Variants in LRBA observed in about 807,000 individuals in gnomAD.
LRBA encodes lipopolysaccharide-responsive and beige-like anchor protein.
A neutral mutation model predicts 330.0 loss-of-function variants in LRBA; 176 were observed. The ratio of observed to expected loss-of-function variants is 0.53; its 90% confidence interval spans 0.47 to 0.60. The LOEUF (loss-of-function observed/expected upper bound fraction) is 0.60, where lower values mean the gene tolerates loss of function less well. Among genes scored for constraint, LRBA ranks in the 20% least tolerant of loss-of-function variants. The pLI is 0.00. For missense variants in LRBA, 3,259 were observed against 3,444.8 expected (o/e 0.95, Z 1.35); for synonymous variants, 1,230 against 1,193.0 (o/e 1.03, Z -0.64).
intron 9 of LRBA, among the ~76,000 whole-genome samples, chr4:150,910,340 T>C (rs1731842738): frequency 2.0e-5 from 3 of 152,180 alleles, no homozygotes; most frequent in Admixed American, 2.0e-4. Flanking sequence ...ATATACAATG[T>C]ACAATATGAA....
intron 36 of LRBA, among the ~76,000 whole-genome samples, chr4:150,720,562 G>C (rs754732398): frequency 6.6e-6 from 1 of 151,962 alleles, no homozygotes; most frequent in East Asian, 1.9e-4. Context: ...AAGGATCAAA[G>C]AAAGTCAAGC....
intron 44 of LRBA, among the ~76,000 whole-genome samples, chr4:150,443,873 T>TATATATATA (rs1491391084): frequency 0.039 from 710 of 18,272 alleles, 4 homozygotes; most frequent in Non-Finnish European, 0.049. Flanking sequence ...TATATATATA[T>TATATATATA]TTTTTTTTTT....
intron 55 of LRBA, among the ~76,000 whole-genome samples, chr4:150,279,636 T>C (rs1747250897): frequency 1.3e-5 from 2 of 152,216 alleles, no homozygotes; most frequent in African/African-American, 4.8e-5. Flanking sequence ...TGCCAACTTT[T>C]AGTAGTCCCT....
chr4:150,775,406 A>G (rs1737139765), intron 34 of LRBA, among the ~76,000 whole-genome samples: 1 of 151,786 alleles, frequency 6.6e-6, no homozygotes, highest in Admixed American at 6.6e-5. Context: ...TTAGTGATCC[A>G]CAAATGTTCA....
intron 53 of LRBA, among the ~76,000 whole-genome samples, chr4:150,295,436 A>G (rs1017539588): frequency 9.2e-5 from 14 of 152,072 alleles, no homozygotes; most frequent in African/African-American, 3.1e-4. Flanking sequence ...GGCTCAAACA[A>G]TACCCTTGTC....
intron 13 of LRBA, 95 bp downstream of exon 13, chr4:150,905,743 A>T (rs1731255346): frequency 1.8e-6 from 2 of 1,094,452 alleles, no homozygotes; most frequent in Admixed American, 4.6e-5. Flanking sequence ...GCATAATAGT[A>T]CATAAAAAAA....
Position 150,685,387 on chromosome 4 carries a change from AATATATAT to A in LRBA, c.5755-1678_5755-1671del, listed in dbSNP as rs781582762. ...GTATATGTACATGCATAAGGAATCA[AATATATAT>A]ATATATATATATATATATATATATA... On this transcript the variant is annotated intron_variant, in intron 36 of 56. Transcript: ENST00000651943. Among the ~76,000 whole-genome samples the A allele has an allele frequency of 6.7e-3, 82 of 12,326 alleles. 1 individual carries two copies. Among genetic ancestry groups the A allele is most frequent in the Non-Finnish European group, 7.9e-3 (59 of 7,480 alleles). The allele number at this position is 12,326 out of a possible 152,430, so 8.1% of individuals were successfully genotyped here.
chr4:150,710,651 A>G (rs1786096132), intron 36 of LRBA, among the ~76,000 whole-genome samples: 1 of 152,132 alleles, frequency 6.6e-6, no homozygotes. Flanking sequence ...GAGACGTACC[A>G]AATTCCCTAT....
intron 40 of LRBA, among the ~76,000 whole-genome samples, chr4:150,559,876 T>TATATATA (rs1561352368): frequency 1.2e-4 from 2 of 16,888 alleles, no homozygotes; most frequent in Non-Finnish European, 2.7e-4. Context: ...AATATATAAT[T>TATATATA]ATATATAATT....
At chr4:150,582,963 T>G in intron 40 of LRBA, 1 of 1,516,192 alleles carries the variant, frequency 6.6e-7, no homozygotes, top group Non-Finnish European at 8.8e-7. Flanking sequence ...CCACCACCAG[T>G]GCGTGAGCCT....
intron 4 of LRBA, among the ~76,000 whole-genome samples, chr4:150,927,329 T>A (rs546023592): frequency 6.8e-6 from 1 of 147,662 alleles, no homozygotes; most frequent in Non-Finnish European, 1.5e-5. Flanking sequence ...GCCGAGATCA[T>A]GGCACTGCAC....
At chr4:150,787,371 AT>A (rs1739238119) in intron 34 of LRBA, among the ~76,000 whole-genome samples, 1 of 152,220 alleles carries the variant, frequency 6.6e-6, no homozygotes. Context: ...TTATATGTGG[AT>A]CGTAAAAATG....
At chr4:150,883,904 G>C (rs1162956566) in intron 17 of LRBA, among the ~76,000 whole-genome samples, 1 of 152,036 alleles carries the variant, frequency 6.6e-6, no homozygotes, top group Non-Finnish European at 1.5e-5. Flanking sequence ...GCAAAATAGG[G>C]GGAATAATGA....
chr4:150,404,911 T>C (rs1220768058), intron 47 of LRBA, among the ~76,000 whole-genome samples: 1 of 152,180 alleles, frequency 6.6e-6, no homozygotes, highest in South Asian at 2.1e-4. Flanking sequence ...CTAAACAAAA[T>C]GCGGTTTACT....
chr4:150,911,492 T>C (rs951938204), intron 9 of LRBA, among the ~76,000 whole-genome samples: 8 of 152,218 alleles, frequency 5.3e-5, no homozygotes, highest in Admixed American at 5.2e-4. Context: ...GTGTGGTACA[T>C]TGCATTGACT....
At chr4:150,606,665 G>A (rs574155289) in intron 37 of LRBA, among the ~76,000 whole-genome samples, 79 of 152,254 alleles carry the variant, frequency 5.2e-4, no homozygotes, top group East Asian at 1.4e-3. Flanking sequence ...TAAAGGTGAC[G>A]AAAGTAAGTT....
At chr4:150,954,007 GGCCA>G (rs1737205457) in intron 2 of LRBA, among the ~76,000 whole-genome samples, 1 of 135,824 alleles carries the variant, frequency 7.4e-6, no homozygotes, top group African/African-American at 2.8e-5. Flanking sequence ...GTCTCTGACC[GGCCA>G]CCCCGTCTGA....
At chr4:150,923,016 CGAT>C (rs1298356429) in intron 4 of LRBA, among the ~76,000 whole-genome samples, 1 of 152,030 alleles carries the variant, frequency 6.6e-6, no homozygotes, top group Non-Finnish European at 1.5e-5. Context: ...CCTCAACTTA[CGAT>C]AGGGTTACAT....
At chr4:150,873,788 G>A (rs1753707673) in intron 17 of LRBA, among the ~76,000 whole-genome samples, 1 of 151,506 alleles carries the variant, frequency 6.6e-6, no homozygotes, top group Admixed American at 6.6e-5. Flanking sequence ...TCAAAATTTT[G>A]GTGTTTAGTA....
Sources: allele counts gnomAD v4.1 joint callset (sites outside exome capture counted in the v4.1 genomes callset), GRCh38; gene constraint gnomAD v4.1.1; transcripts MANE v1.5; gene names NCBI Gene and HGNC (gene_info 2026-07-23, HGNC 2026-07-21).